The following CKAP5 variants were observed in gnomAD, a reference collection of about 807,000 sequenced individuals.
CKAP5 encodes the protein cytoskeleton-associated protein 5.
A neutral mutation model predicts 232.8 loss-of-function variants in CKAP5; 27 were observed. The observed-to-expected ratio is 0.12, with a 90% confidence interval of 0.09 to 0.16. The LOEUF (loss-of-function observed/expected upper bound fraction) is 0.16, where lower values mean the gene tolerates loss of function less well. Ranked by LOEUF, CKAP5 falls within the 10% of genes least tolerant of loss-of-function variation. CKAP5 has a pLI of 1.00. For missense variants in CKAP5, 1,838 were observed against 2,424.7 expected (o/e 0.76, Z 5.08); for synonymous variants, 785 against 841.1 (o/e 0.93, Z 1.16).
chr11:46,743,821 A>C lies in CKAP5; in HGVS notation c.*202T>G. The C allele has an allele frequency of 1.6e-6, 1 of 626,138 alleles. No individual in the cohort carries two copies. Among genetic ancestry groups the C allele is most frequent in the Non-Finnish European group, 2.7e-6 (1 of 364,888 alleles). 38.8% of individuals were successfully genotyped at this position (626,138 alleles called of 1,614,324 possible). A position where few individuals can be genotyped will look rare whatever the true frequency, so the allele number is the denominator to read the frequency against. On this transcript the variant is annotated 3_prime_UTR_variant, in exon 44 of 44. Transcript: ENST00000529230. ...CTGTACACTAAACTCATCCACGGAC[A>C]GTCTTCTAGAGCAGCAGGACGCTGA...
chr11:46,845,403 A>G (rs1015875913), intron 1 of CKAP5, among the ~76,000 whole-genome samples: 6 of 152,206 alleles, frequency 3.9e-5, no homozygotes, highest in African/African-American at 9.7e-5. Context: ...ATCAACACGA[A>G]TATATTTTCT....
At chr11:46,774,574 C>A (rs2065276294) in intron 24 of CKAP5, among the ~76,000 whole-genome samples, 1 of 152,136 alleles carries the variant, frequency 6.6e-6, no homozygotes, top group South Asian at 2.1e-4. Flanking sequence ...CATCACGCTA[C>A]CTGATTTCAA....
At chr11:46,787,736 T>C (rs537743347) in intron 16 of CKAP5, among the ~76,000 whole-genome samples, 1 of 152,322 alleles carries the variant, frequency 6.6e-6, no homozygotes, top group East Asian at 1.9e-4. Flanking sequence ...ACAAATTATA[T>C]ATGGATGTAT....
intron 35 of CKAP5, among the ~76,000 whole-genome samples, chr11:46,756,515 TAAC>T (rs1030181671): frequency 2.6e-5 from 4 of 152,212 alleles, no homozygotes; most frequent in African/African-American, 7.2e-5. Flanking sequence ...GTATACTTAT[TAAC>T]AACAAGGACA....
intron 18 of CKAP5, among the ~76,000 whole-genome samples, chr11:46,782,471 T>C (rs148860458): frequency 6.6e-6 from 1 of 152,312 alleles, no homozygotes; most frequent in African/African-American, 2.4e-5. Flanking sequence ...AACAAACCGT[T>C]CTTTGTTATT....
At chr11:46,829,019 T>G (rs1187378367) in intron 1 of CKAP5, among the ~76,000 whole-genome samples, 1 of 152,248 alleles carries the variant, frequency 6.6e-6, no homozygotes, top group Non-Finnish European at 1.5e-5. Context: ...TTTATACTAT[T>G]GTTTTTTACC....
intron 40 of CKAP5, among the ~76,000 whole-genome samples, chr11:46,750,896 G>C (rs145157630): frequency 1.7e-4 from 26 of 152,142 alleles, no homozygotes; most frequent in Non-Finnish European, 2.5e-4. Context: ...CAATGCCTTA[G>C]GCATCTTTCT....
At position 46,770,990 on chromosome 11, in the gene CKAP5, A is replaced by G. The variant is rs1472996462; in HGVS notation, c.2992-8T>C. 2 of 1,608,806 alleles carry G rather than the reference A, an allele frequency of 1.2e-6. No individual in the cohort carries two copies. Among genetic ancestry groups the G allele is most frequent in the Non-Finnish European group, 1.7e-6 (2 of 1,176,618 alleles). On this transcript the variant is annotated splice_polypyrimidine_tract_variant and splice_region_variant and intron_variant, in intron 24 of 43. Transcript: ENST00000529230. ...AGCCAGCCAGCCCAGAAGCTGCCAAAAGAAATAAAGACTAGTTACACACTT... is the reference window on the plus strand; with the variant it reads ...AGCCAGCCAGCCCAGAAGCTGCCAAGAGAAATAAAGACTAGTTACACACTT...
In CKAP5 at chr11:46,760,648, C is replaced by G; in HGVS notation, c.4358G>C (p.Arg1453Pro). The change falls in exon 33 of 44, where the codon CGC (arginine) becomes CCC (proline). Residue 1453 changes from arginine (R) to proline (P), a missense_variant. By Grantham distance (103) the Arg-to-Pro change is moderately radical. This residue lies in a region of CKAP5 where 579 missense variants were observed against 843.2 expected (regional missense o/e 0.69). Coordinates refer to ENST00000529230, the MANE Select transcript of CKAP5 (RefSeq NM_001008938.4). ...AGACATGTCCTCAGCTGGTCCCTTG[C>G]GTAACATGTTGGCATTGGAGCTTAT... ...QNISSNANML[R>P]KGPAEDMSSK... 1 of 1,614,162 alleles carries G rather than the reference C, an allele frequency of 6.2e-7. No individual in the cohort carries two copies. The highest frequency in any genetic ancestry group is 8.5e-7 in the Non-Finnish European group (1 of 1,180,018).
In CKAP5 at chr11:46,778,201, G is replaced by C; in HGVS notation, c.2686C>G (p.Pro896Ala). The part of the protein sequence containing the change: ...GIINDAKFIQ[P>A]NIGELPTALK... Reference sequence around the variant, plus strand: ...GCAGTTGGAAGTTCACCTATATTCGGTTGGATAAATTTTGCGTCATTAATA... The same window carrying C: ...GCAGTTGGAAGTTCACCTATATTCGCTTGGATAAATTTTGCGTCATTAATA... The change falls in exon 22 of 44, where the codon CCG becomes GCG. Residue 896 changes from proline (P) to alanine (A), a missense_variant. Coordinates refer to ENST00000529230, the MANE Select transcript of CKAP5 (RefSeq NM_001008938.4). The C allele has an allele frequency of 6.2e-7, 1 of 1,614,024 alleles. No homozygotes were observed. Among genetic ancestry groups the C allele is most frequent in the South Asian group, 1.1e-5 (1 of 91,080 alleles).
intron 35 of CKAP5, among the ~76,000 whole-genome samples, chr11:46,757,573 TTTTA>T (rs1342063969): frequency 2.6e-5 from 4 of 152,126 alleles, no homozygotes; most frequent in African/African-American, 2.4e-5. Flanking sequence ...ATTTTTTAAA[TTTTA>T]TTTATTTATT....
Position 46,751,191 on chromosome 11 carries a change from C to T in CKAP5, c.5387G>A (p.Arg1796Gln), listed in dbSNP as rs758663989. The T allele has an allele frequency of 6.8e-6, 11 of 1,614,142 alleles. No individual in the cohort carries two copies. Among genetic ancestry groups the T allele is most frequent in the South Asian group, 1.1e-5 (1 of 91,078 alleles). ...CTGGTCCATACTGTGCTTCATCATC[C>T]GGCAGAGATGGGCCTCCAGCTCAGA... ...NESELEAHLC[R>Q]MMKHSMDQTG... is the part of the protein sequence containing the mutation. The change falls in exon 40 of 44, where the codon CGG becomes CAG. Residue 1796 changes from arginine to glutamine, a missense_variant. By Grantham distance (43) the Arg-to-Gln change is conservative (BLOSUM62 1). Coordinates refer to ENST00000529230, the MANE Select transcript of CKAP5 (RefSeq NM_001008938.4).
intron 4 of CKAP5, 95 bp downstream of exon 4, chr11:46,816,103 T>C: frequency 1.0e-6 from 1 of 988,308 alleles, no homozygotes; most frequent in Non-Finnish European, 1.6e-6. Flanking sequence ...CACACAATTC[T>C]TCCATGGAAA....
Position 46,744,579 on chromosome 11 carries a change from T to TA in CKAP5, c.5705-3dup. On this transcript the variant is annotated splice_region_variant and splice_polypyrimidine_tract_variant and intron_variant, in intron 42 of 43. Transcript: ENST00000529230. ...TGACTTCCATCTGAGGGGAGATGCC[T>TA]AGAGGGGAAAAAGTAGAAAGAATAT... 1 of 1,613,348 alleles carries TA rather than the reference T, an allele frequency of 6.2e-7. No homozygotes were observed. Among genetic ancestry groups the TA allele is most frequent in the Non-Finnish European group, 8.5e-7 (1 of 1,179,458 alleles).
chr11:46,756,453 A>ATCATTTAAGAG (rs2065111132), intron 35 of CKAP5, among the ~76,000 whole-genome samples: 1 of 152,214 alleles, frequency 6.6e-6, no homozygotes, highest in Admixed American at 6.5e-5. Context: ...TTTATCCTGA[A>ATCATTTAAGAG]TCATTTAAGA....
chr11:46,762,175 C>T lies in CKAP5; in HGVS notation c.4046G>A (p.Gly1349Glu), dbSNP rs1419683145. The change falls in exon 32 of 44, where the codon GGA (glycine) becomes GAA (glutamate). Residue 1349 changes from glycine to glutamate, a missense_variant. By Grantham distance (98) the Gly-to-Glu change is moderately conservative. Coordinates refer to ENST00000529230, the MANE Select transcript of CKAP5 (RefSeq NM_001008938.4). ...KQRAECLEEL[G>E]CLVESYGMNV... ...CATGCCATAGGACTCAACCAGACAT[C>T]CCAGCTCTTCCAGGCACTCTGATGG... 3.7e-6 allele frequency: 6 copies of T among 1,613,628 alleles called. No individual in the cohort carries two copies. The African/African-American group carries it at 5.3e-5, about 14-fold the overall frequency.
chr11:46,746,557 T>C (rs888110536), intron 42 of CKAP5, among the ~76,000 whole-genome samples: 3 of 152,110 alleles, frequency 2.0e-5, no homozygotes, highest in South Asian at 4.1e-4. Context: ...CTGAATACTA[T>C]AGGCAATGTT....
intron 1 of CKAP5, among the ~76,000 whole-genome samples, chr11:46,831,939 A>G (rs1254031076): frequency 7.1e-6 from 1 of 141,834 alleles, no homozygotes; most frequent in East Asian, 2.0e-4. Context: ...AACATGGCTC[A>G]CTGCAGCCTC....
At chr11:46,841,140 G>A (rs556811269) in intron 1 of CKAP5, among the ~76,000 whole-genome samples, 1 of 152,198 alleles carries the variant, frequency 6.6e-6, no homozygotes, top group Non-Finnish European at 1.5e-5. Flanking sequence ...TGTTGTGGTG[G>A]GTTCTTGTAA....
Sources: allele counts gnomAD v4.1 joint callset (sites outside exome capture counted in the v4.1 genomes callset), GRCh38; gene constraint gnomAD v4.1.1; regional missense constraint gnomAD v4.1.1; transcripts MANE v1.5; gene names NCBI Gene and HGNC (gene_info 2026-07-23, HGNC 2026-07-21).